The following DAAM1 variants were observed in gnomAD, a reference collection of about 807,000 sequenced individuals.
DAAM1 encodes dishevelled associated activator of morphogenesis 1.
In DAAM1, 52 loss-of-function variants were observed where a neutral mutation model predicts 130.0. That is an observed-to-expected ratio of 0.40 (90% confidence interval 0.32 to 0.50). The LOEUF (loss-of-function observed/expected upper bound fraction) is 0.50, where lower values mean the gene tolerates loss of function less well. Among genes scored for constraint, DAAM1 ranks in the 20% least tolerant of loss-of-function variants. The pLI, the probability that DAAM1 is intolerant of heterozygous loss-of-function variation, is 0.61. For missense variants in DAAM1, 1,134 were observed against 1,303.8 expected, an observed-to-expected ratio of 0.87 and a Z score of 2.01; for synonymous variants, 452 against 444.5, an observed-to-expected ratio of 1.02 and a Z score of -0.21.
chr14:59,329,813 CCT>C (rs1259437284), intron 12 of DAAM1, among the ~76,000 whole-genome samples: 6 of 152,200 alleles, frequency 3.9e-5, no homozygotes, highest in Non-Finnish European at 8.8e-5. Context: ...ATTTTTCTCC[CCT>C]GTGTTACCAT....
chr14:59,255,073 A>T (rs1253013), intron 1 of DAAM1, among the ~76,000 whole-genome samples: 1 of 152,196 alleles, frequency 6.6e-6, no homozygotes, highest in Admixed American at 6.5e-5. Context: ...TGTTTTCAGG[A>T]TGCTAATGGC....
At position 59,278,209 on chromosome 14, in the gene DAAM1, G is replaced by T. The variant is rs112703035; in HGVS notation, c.184-13008G>T. On this transcript the variant is annotated intron_variant, in intron 2 of 24. Coordinates refer to ENST00000360909, the MANE Select transcript of DAAM1 (RefSeq NM_001270520.2). ...TGTGATCAGATGAAGTGAGGTGAAT[G>T]ACATAGGCATCACGAGGTAGTGTTA... Among the ~76,000 whole-genome samples, 44 of 152,264 alleles carry T rather than the reference G, an allele frequency of 2.9e-4. 1 individual carries two copies. The highest frequency in any genetic ancestry group is 1.0e-3 in the African/African-American group (43 of 41,548).
At chr14:59,291,641 C>G (rs1883744497) in intron 3 of DAAM1, 1 of 206,832 alleles carries the variant, frequency 4.8e-6, no homozygotes, top group African/African-American at 2.4e-5. Flanking sequence ...GGTTTGGGGT[C>G]ACAGCCCTCT....
At chr14:59,313,045 G>A (rs1394883548) in intron 3 of DAAM1, among the ~76,000 whole-genome samples, 1 of 152,226 alleles carries the variant, frequency 6.6e-6, no homozygotes. Flanking sequence ...AGTTGGATTA[G>A]AGAAATAATA....
chr14:59,366,996 CA>C (rs141317491), intron 23 of DAAM1, among the ~76,000 whole-genome samples: 5 of 145,340 alleles, frequency 3.4e-5, no homozygotes, highest in Admixed American at 6.8e-5. Flanking sequence ...AACAAAACAA[CA>C]AAAAAAAACT....
chr14:59,266,490 A>T (rs959043463), intron 2 of DAAM1, among the ~76,000 whole-genome samples: 1 of 152,244 alleles, frequency 6.6e-6, no homozygotes, highest in Admixed American at 6.5e-5. Context: ...TCTCTGCCTT[A>T]TTGATGTCTC....
At chr14:59,294,402 C>A (rs577902747) in intron 3 of DAAM1, among the ~76,000 whole-genome samples, 1 of 152,288 alleles carries the variant, frequency 6.6e-6, no homozygotes, top group East Asian at 1.9e-4. Flanking sequence ...ATTTCTCAGA[C>A]TAAAACGATT....
intron 1 of DAAM1, among the ~76,000 whole-genome samples, chr14:59,200,582 T>C (rs1038759089): frequency 3.3e-5 from 5 of 151,672 alleles, no homozygotes; most frequent in South Asian, 2.1e-4. Flanking sequence ...AAAATGAAAA[T>C]GTTATAAGGT....
rs772006208 is a variant in DAAM1 at position 59,363,645 on chromosome 14, T to C, written c.2695-6T>C. On this transcript the variant is annotated splice_region_variant and splice_polypyrimidine_tract_variant and intron_variant, in intron 22 of 24. Coordinates refer to ENST00000360909, the MANE Select transcript of DAAM1 (RefSeq NM_001270520.2). Reference sequence around the variant, plus strand: ...GCATTGACATTATTCATTTCCTGTGTTTAAGGAGCTGGAATATCAGAAGTC... The same window carrying C: ...GCATTGACATTATTCATTTCCTGTGCTTAAGGAGCTGGAATATCAGAAGTC... The C allele has an allele frequency of 3.1e-6, 5 of 1,614,010 alleles. No individual in the cohort carries two copies. Among genetic ancestry groups the C allele is most frequent in the Non-Finnish European group, 3.4e-6 (4 of 1,179,924 alleles).
In DAAM1 at chr14:59,320,544, A is replaced by G. The variant is rs145787738; in HGVS notation, c.400A>G (p.Ile134Val). ...AGAAGAAGAAGAAAGAAGTAAAACT[A>G]TAGAGAGTTTAAAGACAGCACTGAG... ...KEEEEERSKTIESLKTALRTK... is the reference protein window; with the variant it reads ...KEEEEERSKTVESLKTALRTK... The change falls in exon 5 of 25, where the codon ATA becomes GTA. Residue 134 changes from isoleucine (I) to valine (V), a missense_variant. Around this residue, in one of 3 missense-constraint regions of DAAM1, gnomAD observed 391 missense variants for 521.6 expected, o/e 0.75. Transcript: ENST00000360909. The G allele has an allele frequency of 9.0e-4, 1,439 of 1,606,180 alleles. 2 individuals carry two copies. The highest frequency in any genetic ancestry group is 1.1e-3 in the Non-Finnish European group (1,297 of 1,177,498).
At chr14:59,300,004 C>G (rs1419025857) in intron 3 of DAAM1, 1 of 152,086 alleles carries the variant, frequency 6.6e-6, no homozygotes, top group Non-Finnish European at 1.5e-5. Context: ...GAAGTCAAGT[C>G]TGGAAAAGTG....
chr14:59,264,135 T>C (rs1383265488), intron 2 of DAAM1: 1 of 205,572 alleles, frequency 4.9e-6, no homozygotes, highest in Non-Finnish European at 1.0e-5. Context: ...TGAAAGACAT[T>C]ATTACTTCAG....
intron 1 of DAAM1, among the ~76,000 whole-genome samples, chr14:59,246,586 G>T (rs1176598160): frequency 6.6e-6 from 1 of 152,140 alleles, no homozygotes; most frequent in Non-Finnish European, 1.5e-5. Flanking sequence ...GGTTGCTGGA[G>T]CATGCAGAAT....
intron 1 of DAAM1, among the ~76,000 whole-genome samples, chr14:59,214,666 A>G (rs572968198): frequency 5.8e-4 from 88 of 152,322 alleles, no homozygotes; most frequent in African/African-American, 2.0e-3. Flanking sequence ...CATCCATGTC[A>G]TGGCATGTAT....
At chr14:59,206,300 G>C (rs555195723) in intron 1 of DAAM1, among the ~76,000 whole-genome samples, 224 of 152,052 alleles carry the variant, frequency 1.5e-3, no homozygotes, top group African/African-American at 5.2e-3. Flanking sequence ...TTTTGAGACG[G>C]AGTCTTGCTC....
At chr14:59,362,405 T>A (rs958742593) in intron 22 of DAAM1, 14 of 152,166 alleles carry the variant, frequency 9.2e-5, no homozygotes, top group African/African-American at 2.9e-4. Context: ...TTACACAAAT[T>A]AATTATATTG....
At chr14:59,257,378 T>TAA (rs33912254) in intron 1 of DAAM1, among the ~76,000 whole-genome samples, 11 of 145,872 alleles carry the variant, frequency 7.5e-5, no homozygotes, top group East Asian at 2.0e-4. Context: ...AAATGGACAT[T>TAA]AAAAAAAAAA....
chr14:59,278,283 G>A (rs1221866632), intron 2 of DAAM1, among the ~76,000 whole-genome samples: 2 of 152,118 alleles, frequency 1.3e-5, no homozygotes, highest in Admixed American at 6.6e-5. Context: ...ATCATCTGCT[G>A]CGGGTGAACC....
At chr14:59,245,046 G>A (rs1218719140) in intron 1 of DAAM1, among the ~76,000 whole-genome samples, 1 of 151,996 alleles carries the variant, frequency 6.6e-6, no homozygotes, top group East Asian at 1.9e-4. Context: ...TCAGGGAAGG[G>A]AAAAGGACGG....
Sources: gnomAD v4.1 joint callset for allele counts (sites outside exome capture counted in the v4.1 genomes callset) on GRCh38, gnomAD v4.1.1 for gene constraint, gnomAD v4.1.1 regional missense constraint, MANE v1.5 for transcripts, NCBI Gene and HGNC (gene_info 2026-07-23, HGNC 2026-07-21) for gene names.